The following SGSM3 variants were observed in gnomAD, a reference collection of about 807,000 sequenced individuals.
SGSM3 encodes small G protein signaling modulator 3.
SGSM3 carries 96 observed loss-of-function variants against 100.5 expected under a neutral mutation model. That is an observed-to-expected ratio of 0.96 (90% CI 0.81 to 1.13). SGSM3 has a LOEUF of 1.13. SGSM3 is among the 50% of genes most tolerant of loss of function. The pLI is 0.00. For synonymous variants in SGSM3, 483 were observed against 422.8 expected, an observed-to-expected ratio of 1.14 and a Z score of -1.75; for missense variants, 1,001 against 1,015.8, an observed-to-expected ratio of 0.99 and a Z score of 0.20.
intron 1 of SGSM3, among the ~76,000 whole-genome samples, chr22:40,399,306 C>A (rs1419140172): frequency 6.6e-6 from 1 of 152,156 alleles, no homozygotes; most frequent in East Asian, 1.9e-4. Context: ...TACTTTTAAT[C>A]ATGGTGCAGA....
chr22:40,409,163 T>C, intron 19 of SGSM3, 87 bp from the exon 20 acceptor site: 1 of 1,557,610 alleles, frequency 6.4e-7, no homozygotes, highest in Non-Finnish European at 8.7e-7. Context: ...TGGGAGCTGC[T>C]GAGAGACAGG....
At chr22:40,388,588 A>G (rs149880278) in intron 1 of SGSM3, among the ~76,000 whole-genome samples, 7 of 152,152 alleles carry the variant, frequency 4.6e-5, no homozygotes, top group African/African-American at 7.2e-5. Flanking sequence ...TGGGAGGGAA[A>G]TGATCAGTTG....
intron 1 of SGSM3, among the ~76,000 whole-genome samples, chr22:40,384,032 T>G (rs1201374380): frequency 2.6e-5 from 4 of 152,186 alleles, no homozygotes; most frequent in African/African-American, 4.8e-5. Flanking sequence ...GAGGATTGCT[T>G]GAGTGCAGGA....
chr22:40,405,856 C>A lies in SGSM3; in HGVS notation c.814+12C>A. ...GGAGCATGACATTGGTAAGGCGCCC[C>A]TGAGCCACTGGCTCCCATTCTGCAG... On this transcript the variant is annotated intron_variant, in intron 8 of 21. Coordinates refer to ENST00000248929, the MANE Select transcript of SGSM3 (RefSeq NM_015705.6). 6.2e-7 allele frequency: 1 copy of A among 1,600,748 alleles called. No homozygotes were observed. The highest frequency in any genetic ancestry group is 8.5e-7 in the Non-Finnish European group (1 of 1,171,494).
chr22:40,379,255 A>G (rs961774119), intron 1 of SGSM3: 1 of 152,206 alleles, frequency 6.6e-6, no homozygotes, highest in East Asian at 1.9e-4. Flanking sequence ...CTCAATAAAC[A>G]TATGTTGATT....
At chr22:40,391,119 A>T (rs1299839275) in intron 1 of SGSM3, among the ~76,000 whole-genome samples, 2 of 152,190 alleles carry the variant, frequency 1.3e-5, no homozygotes, top group African/African-American at 4.8e-5. Context: ...AATTTGAAAG[A>T]ATAATGGTCA....
intron 9 of SGSM3, 25 bp from the exon 10 acceptor site, chr22:40,406,413 C>G (rs2051529054): frequency 1.3e-6 from 2 of 1,540,386 alleles, no homozygotes; most frequent in Non-Finnish European, 1.8e-6. Context: ...ACCTTCTTCC[C>G]CCATCCTGCC....
At chr22:40,380,618 G>A (rs776119430) in intron 1 of SGSM3, among the ~76,000 whole-genome samples, 8 of 152,032 alleles carry the variant, frequency 5.3e-5, no homozygotes, top group East Asian at 1.9e-4. Flanking sequence ...CATTACAGGC[G>A]TGAGTCACTG....
In SGSM3 at chr22:40,405,614, T is replaced by A. The variant is rs967705965; in HGVS notation, c.619-35T>A. 6.3e-6 allele frequency: 10 copies of A among 1,589,050 alleles called. No homozygotes were observed. The Admixed American group carries it at 8.6e-5, about 14-fold the overall frequency. ...ACCTTTTCTAATCTGCACAAAGACC[T>A]GGGTAGAAGGCCCTTGTCCCTGTGC... On this transcript the variant is annotated intron_variant, in intron 7 of 21. Coordinates refer to ENST00000248929, the MANE Select transcript of SGSM3 (RefSeq NM_015705.6).
chr22:40,385,278 C>CT (rs1210403421), intron 1 of SGSM3, among the ~76,000 whole-genome samples: 1 of 152,098 alleles, frequency 6.6e-6, no homozygotes, highest in African/African-American at 2.4e-5. Flanking sequence ...AGCATGGGCG[C>CT]TTTTAAAAAG....
At chr22:40,394,645 CAAAAAAAA>C (rs34700924) in intron 1 of SGSM3, among the ~76,000 whole-genome samples, 2 of 84,132 alleles carry the variant, frequency 2.4e-5, no homozygotes, top group Non-Finnish European at 4.6e-5. Context: ...ACTCCTGTCT[CAAAAAAAA>C]AAAAAAAAAA....
intron 4 of SGSM3, 90 bp downstream of exon 4, chr22:40,402,295 C>A: frequency 1.0e-6 from 1 of 984,108 alleles, no homozygotes; most frequent in Non-Finnish European, 1.6e-6. Flanking sequence ...CCTGTGATGG[C>A]TGAGCTCTGA....
chr22:40,391,778 A>G (rs1323139889), intron 1 of SGSM3, among the ~76,000 whole-genome samples: 1 of 152,180 alleles, frequency 6.6e-6, no homozygotes, highest in Non-Finnish European at 1.5e-5. Context: ...TTTGCATCTT[A>G]CTGTATTCTC....
rs1291937858 is a variant in SGSM3 at position 40,407,124 on chromosome 22, C to T, written c.1240+53C>T. The T allele has an allele frequency of 1.8e-5, 29 of 1,610,078 alleles. No homozygotes were observed. The highest frequency in any genetic ancestry group is 8.9e-5 in the East Asian group (4 of 44,794). On this transcript the variant is annotated intron_variant, in intron 11 of 21. Transcript: ENST00000248929. This position sits in a 1 kb window ranked among gnomAD's most constrained non-coding sequence, Gnocchi z 4.7. ...GTGGGCATGCGGGAGTCTGTCCTCA[C>T]GCTCATGTGGACGTGGAGCTTCCTC... is the stretch of plus-strand genomic sequence containing the variant.
At chr22:40,406,751 ACAAAC>A (rs778247383) in intron 10 of SGSM3, 89 bp downstream of exon 10, 290 of 1,160,744 alleles carry the variant, frequency 2.5e-4, no homozygotes, top group Non-Finnish European at 3.5e-4. Context: ...GCTGCGGAAA[ACAAAC>A]CAGCCCTTCC....
rs771150738 is a variant in SGSM3, at chr22:40,406,533, G to A, written c.1056G>A (p.Gly352=). 1.2e-6 allele frequency: 2 copies of A among 1,613,154 alleles called. No individual in the cohort carries two copies. The highest frequency in any genetic ancestry group is 2.2e-5 in the East Asian group (1 of 44,886). ...SQMEDAELLL[G]VAMRLAGSLT... is the part of the protein sequence containing the mutation. ...TGGAGGACGCGGAGCTGCTTCTGGGGGTGGCCATGCGGCTGGCCGGCTCCC... is the reference window on the plus strand; with the variant it reads ...TGGAGGACGCGGAGCTGCTTCTGGGAGTGGCCATGCGGCTGGCCGGCTCCC... Residue 352 remains glycine, a synonymous_variant, in exon 10 of 22, where the codon GGG becomes GGA. Transcript: ENST00000248929.
rs2147006933 is a variant in SGSM3 at position 40,407,890 on chromosome 22, G to A, written c.1579+47G>A. 3.2e-6 allele frequency: 5 copies of A among 1,558,880 alleles called. No individual in the cohort carries two copies. The highest frequency in any genetic ancestry group is 1.2e-5 in the South Asian group (1 of 86,174). ...TGAGCTGGGAGAGGGAGGAGGGGGT[G>A]GGCACAGAAGACTTGGGTGACCCTG... On this transcript the variant is annotated intron_variant, in intron 14 of 21. Coordinates refer to ENST00000248929, the MANE Select transcript of SGSM3 (RefSeq NM_015705.6). This position sits in a 1 kb window ranked among gnomAD's most constrained non-coding sequence, Gnocchi z 4.7.
intron 1 of SGSM3, among the ~76,000 whole-genome samples, chr22:40,371,026 G>T (rs935154973): frequency 1.2e-4 from 18 of 152,244 alleles, no homozygotes; most frequent in African/African-American, 3.9e-4. Flanking sequence ...CCGCGCCTGA[G>T]GCGGGGGGCT....
intron 1 of SGSM3, among the ~76,000 whole-genome samples, chr22:40,389,917 A>AAT: frequency 1.1e-5 from 1 of 91,896 alleles, no homozygotes; most frequent in Non-Finnish European, 2.2e-5. Context: ...AAAAAAAAAG[A>AAT]AAAAAAAAAA....
Sources: gnomAD v4.1 joint callset for allele counts (sites outside exome capture counted in the v4.1 genomes callset) on GRCh38, gnomAD v4.1.1 for gene constraint, Gnocchi (gnomAD v3.1) non-coding constraint, MANE v1.5 for transcripts, NCBI Gene and HGNC (gene_info 2026-07-23, HGNC 2026-07-21) for gene names.